Variants in ABCA8 observed in about 807,000 individuals in gnomAD.
ABCA8 encodes the protein ABC-type organic anion transporter ABCA8.
A neutral mutation model predicts 192.3 loss-of-function variants in ABCA8; 177 were observed. The observed-to-expected ratio is 0.92, with a 90% CI of 0.81 to 1.04. ABCA8 has a LOEUF of 1.04. Ranked by LOEUF, ABCA8 falls within the 50% of genes least tolerant of loss-of-function variation. The pLI, the probability that ABCA8 is intolerant of heterozygous loss-of-function variation, is 0.00. For synonymous variants in ABCA8, 642 were observed against 690.2 expected (o/e 0.93, Z 1.09); for missense variants, 1,915 against 1,904.8 (o/e 1.01, Z -0.10).
At chr17:68,894,144 T>G in intron 23 of ABCA8, 29 bp downstream of exon 23, 4 of 1,609,092 alleles carry the variant, frequency 2.5e-6, no homozygotes, top group Non-Finnish European at 3.4e-6. Context: ...TAGAGGAGAG[T>G]CAGGAATTGT....
At chr17:68,870,671 G>A (rs1033486270) in intron 37 of ABCA8, among the ~76,000 whole-genome samples, 1 of 152,164 alleles carries the variant, frequency 6.6e-6, no homozygotes, top group Admixed American at 6.5e-5. Context: ...GTCACATGTT[G>A]CAGAATTTCT....
In ABCA8 at chr17:68,929,699, G is replaced by C. The variant is rs114603216; in HGVS notation, c.801C>G (p.Leu267=). Residue 267 remains leucine (L), a synonymous_variant, in exon 8 of 40, where the codon CTC becomes CTG. Transcript: ENST00000586539. The part of the protein sequence containing the change: ...MMGLRDSAFW[L]SWGLLYAGFI... The stretch of plus-strand genomic sequence containing the variant: ...AACCAGCATAGAGCAAACCCCAGGA[G>C]AGCCTAATGTGGAAACAAAATGTTA... 256 of 1,599,368 alleles carry C rather than the reference G, an allele frequency of 1.6e-4. No homozygotes were observed. The African/African-American group carries it at 3.2e-3, about 20-fold the overall frequency.
At chr17:68,919,573 T>A in intron 13 of ABCA8, 97 bp from the exon 14 acceptor site, 1 of 1,090,352 alleles carries the variant, frequency 9.2e-7, no homozygotes, top group South Asian at 1.7e-5. Context: ...ATCTTGACAG[T>A]TTATACAATT....
At chr17:68,929,731 T>C in intron 7 of ABCA8, 29 bp from the exon 8 acceptor site, 1 of 1,570,406 alleles carries the variant, frequency 6.4e-7, no homozygotes, top group South Asian at 1.2e-5. Context: ...GTTATTTTAG[T>C]ATTTTATGTT....
At position 68,881,156 on chromosome 17, in the gene ABCA8, C is replaced by T; in HGVS notation, c.4002G>A (p.Lys1334=). 1 of 1,613,978 alleles carries T rather than the reference C, an allele frequency of 6.2e-7. No individual in the cohort carries two copies. The highest frequency in any genetic ancestry group is 8.5e-7 in the Non-Finnish European group (1 of 1,179,934). ...HNGAGKSTSI[K]VITGDTKPTA... ...TTGGTTTTGTGTCTCCAGTTATCAC[C>T]TTAATGGATGTGCTTTTACCAGCTC... Residue 1334 remains lysine, a synonymous_variant, in exon 32 of 40, where the codon AAG becomes AAA. Transcript: ENST00000586539.
chr17:68,918,259 T>A, intron 15 of ABCA8, 74 bp from the exon 16 acceptor site: 6 of 1,571,054 alleles, frequency 3.8e-6, no homozygotes, highest in Non-Finnish European at 5.2e-6. Flanking sequence ...GCAAAAACCA[T>A]ATTGATTATA....
intron 28 of ABCA8, among the ~76,000 whole-genome samples, 177 bp downstream of exon 28, chr17:68,884,154 C>T (rs1598196380): frequency 6.6e-6 from 1 of 152,176 alleles, no homozygotes; most frequent in African/African-American, 2.4e-5. Context: ...AGGCACATTA[C>T]CTGGTCATTT....
intron 13 of ABCA8, chr17:68,919,861 C>T (rs1224134170): frequency 6.3e-6 from 1 of 158,216 alleles, no homozygotes; most frequent in Non-Finnish European, 1.4e-5. Flanking sequence ...AAAAGACACG[C>T]AGCTGTCCTA....
At chr17:68,931,181 G>A (rs769912938) in intron 7 of ABCA8, among the ~76,000 whole-genome samples, 3 of 152,068 alleles carry the variant, frequency 2.0e-5, no homozygotes, top group East Asian at 1.9e-4. Flanking sequence ...TCTTGTTTAC[G>A]CCTCTCTTGC....
chr17:68,936,129 T>A (rs2068058525), intron 5 of ABCA8, among the ~76,000 whole-genome samples: 1 of 152,162 alleles, frequency 6.6e-6, no homozygotes, highest in Non-Finnish European at 1.5e-5. Flanking sequence ...GTAGGTCATC[T>A]GTTTACTCTG....
chr17:68,948,055 T>A (rs575216224), intron 2 of ABCA8, among the ~76,000 whole-genome samples: 35 of 152,332 alleles, frequency 2.3e-4, no homozygotes, highest in Admixed American at 2.2e-3. Context: ...TTCATCCATG[T>A]CCCTGCAAAG....
chr17:68,943,888 G>T (rs571366226), intron 2 of ABCA8, among the ~76,000 whole-genome samples: 1 of 151,952 alleles, frequency 6.6e-6, no homozygotes, highest in East Asian at 1.9e-4. Context: ...CAATAGCAAA[G>T]AGTTGGAACC....
intron 2 of ABCA8, among the ~76,000 whole-genome samples, chr17:68,946,945 AAGAGAGAGAG>A (rs60347168): frequency 1.3e-5 from 2 of 150,164 alleles, no homozygotes; most frequent in East Asian, 2.0e-4. Context: ...CATCAAAAGA[AAGAGAGAGAG>A]AGAGAGAGAG....
intron 24 of ABCA8, among the ~76,000 whole-genome samples, chr17:68,887,925 T>TACATATATATATATTATATATGGATA: frequency 9.9e-6 from 1 of 101,032 alleles, no homozygotes; most frequent in African/African-American, 4.0e-5. Flanking sequence ...TATATATATA[T>TACATATATATATATTATATATGGATA]TATATATGGA....
chr17:68,893,412 G>A (rs2066662472), intron 23 of ABCA8, among the ~76,000 whole-genome samples: 1 of 152,182 alleles, frequency 6.6e-6, no homozygotes, highest in Admixed American at 6.5e-5. Flanking sequence ...GAGGAAAAGT[G>A]GTTTGATTGG....
rs762208440 is a variant in ABCA8 at position 68,906,043 on chromosome 17, C to T, written c.2398+1G>A. 6.3e-7 allele frequency: 1 copy of T among 1,580,778 alleles called. No individual in the cohort carries two copies. Among genetic ancestry groups the T allele is most frequent in the Non-Finnish European group, 8.6e-7 (1 of 1,164,686 alleles). ...TAATAATTTTCATGCATTTTATTTA[C>T]CCGATTCATTAATTGTAGATTTTCC... On this transcript the variant is annotated splice_donor_variant, in intron 19 of 39. Coordinates refer to ENST00000586539, the MANE Select transcript of ABCA8 (RefSeq NM_001288985.2). LOFTEE classifies it high-confidence loss of function.
At chr17:68,930,861 A>G (rs2067849928) in intron 7 of ABCA8, among the ~76,000 whole-genome samples, 1 of 152,138 alleles carries the variant, frequency 6.6e-6, no homozygotes, top group Non-Finnish European at 1.5e-5. Context: ...TGCACAGCCC[A>G]TCTGCCTCCC....
chr17:68,899,951 A>G (rs952301275), intron 21 of ABCA8, among the ~76,000 whole-genome samples: 17 of 152,198 alleles, frequency 1.1e-4, no homozygotes, highest in Non-Finnish European at 8.8e-5. Context: ...CAGCGAAAGC[A>G]TAGCTTAGAG....
intron 17 of ABCA8, 139 bp downstream of exon 17, chr17:68,917,222 G>A (rs939107901): frequency 1.2e-4 from 65 of 526,580 alleles, no homozygotes; most frequent in Non-Finnish European, 7.9e-5. Flanking sequence ...AGTGAGCCGA[G>A]ATGATCGATA....
Sources: allele counts gnomAD v4.1 joint callset (sites outside exome capture counted in the v4.1 genomes callset), GRCh38; gene constraint gnomAD v4.1.1; transcripts MANE v1.5; gene names NCBI Gene and HGNC (gene_info 2026-07-23, HGNC 2026-07-21).